ZKSCAN8: variants seen among roughly 807,000 people sequenced by gnomAD.
ZKSCAN8 encodes zinc finger protein with KRAB and SCAN domains 8.
A neutral mutation model predicts 57.2 loss-of-function variants in ZKSCAN8; 27 were observed. The ratio of observed to expected loss-of-function variants is 0.47; its 90% confidence interval spans 0.35 to 0.65. The LOEUF (loss-of-function observed/expected upper bound fraction) is 0.65, where lower values mean the gene tolerates loss of function less well. Among genes scored for constraint, ZKSCAN8 ranks in the 30% least tolerant of loss-of-function variants. ZKSCAN8 has a pLI of 0.01. For synonymous variants in ZKSCAN8, 214 were observed against 248.7 expected, an observed-to-expected ratio of 0.86 and a Z score of 1.31; for missense variants, 597 against 696.3, an observed-to-expected ratio of 0.86 and a Z score of 1.60.
At position 28,148,413 on chromosome 6, in the gene ZKSCAN8, TGAA is replaced by T; in HGVS notation, c.10_12del (p.Glu4del). 6.2e-7 allele frequency: 1 copy of T among 1,609,084 alleles called. No individual in the cohort carries two copies. The highest frequency in any genetic ancestry group is 8.5e-7 in the Non-Finnish European group (1 of 1,176,570). ...CCTGAGCTTTTCAGGCTCTAATGGC[TGAA>T]GAATCAAGAAAGCCTTCAGCCCCAT... is the stretch of plus-strand genomic sequence containing the variant. On this transcript the variant is annotated inframe_deletion, in exon 2 of 6. Transcript: ENST00000330236.
rs1387522410 is a variant in ZKSCAN8 at position 28,156,638 on chromosome 6, G to T, written c.*2621G>T. 1 of 156,540 alleles carries T rather than the reference G, an allele frequency of 6.4e-6. No homozygotes were observed. Among genetic ancestry groups the T allele is most frequent in the East Asian group, 1.9e-4 (1 of 5,402 alleles). 9.7% of individuals were successfully genotyped at this position (156,540 alleles called of 1,614,324 possible). On this transcript the variant is annotated 3_prime_UTR_variant, in exon 6 of 6. Transcript: ENST00000330236. The stretch of plus-strand genomic sequence containing the variant: ...AGCATAGAATATTATTGACTAGGCT[G>T]TATGACATTTTGAGCTCTTAACTGT...
At chr6:28,146,945 T>G (rs1413036465) in intron 1 of ZKSCAN8, among the ~76,000 whole-genome samples, 2 of 152,132 alleles carry the variant, frequency 1.3e-5, no homozygotes, top group African/African-American at 4.8e-5. Flanking sequence ...TAGGCCTAAA[T>G]GTAAAACCTA....
At chr6:28,150,894 C>T (rs1371569810) in intron 3 of ZKSCAN8, among the ~76,000 whole-genome samples, 1 of 152,170 alleles carries the variant, frequency 6.6e-6, no homozygotes, top group Non-Finnish European at 1.5e-5. Context: ...GCAGCTTCTG[C>T]CTCCCGGGTT....
intron 1 of ZKSCAN8, among the ~76,000 whole-genome samples, chr6:28,145,429 C>T (rs971727279): frequency 1.3e-5 from 2 of 152,016 alleles, no homozygotes. Flanking sequence ...AAGGGCCTTG[C>T]ATACCATGCT....
At chr6:28,149,348 C>T in intron 2 of ZKSCAN8, 135 bp from the exon 3 acceptor site, 2 of 1,153,674 alleles carry the variant, frequency 1.7e-6, no homozygotes, top group Non-Finnish European at 2.5e-6. Context: ...TCCTTACTGT[C>T]CCTAAGAAGT....
intron 3 of ZKSCAN8, among the ~76,000 whole-genome samples, chr6:28,150,353 C>T (rs1241481493): frequency 6.6e-6 from 1 of 152,108 alleles, no homozygotes; most frequent in Admixed American, 6.5e-5. Context: ...GCAGGAACAC[C>T]TCACCCTGCC....
chr6:28,155,063 A>T lies in ZKSCAN8; in HGVS notation c.*1046A>T, dbSNP rs1765740721. ...CCTGACTAGATGGTCTGTCACTCCT[A>T]TCATTACCTTGCACCCATCTCTTTA... On this transcript the variant is annotated 3_prime_UTR_variant, in exon 6 of 6. Transcript: ENST00000330236. 6.6e-6 allele frequency: 1 copy of T among 152,568 alleles called. No individual in the cohort carries two copies. Among genetic ancestry groups the T allele is most frequent in the Non-Finnish European group, 1.5e-5 (1 of 68,036 alleles). 9.5% of individuals were successfully genotyped at this position (152,568 alleles called of 1,614,324 possible). A position where few individuals can be genotyped will look rare whatever the true frequency, so the allele number is the denominator to read the frequency against.
chr6:28,152,088 T>C, intron 4 of ZKSCAN8, 152 bp downstream of exon 4: 2 of 1,373,456 alleles, frequency 1.5e-6, no homozygotes, highest in Non-Finnish European at 2.0e-6. Context: ...TGATCCTGAA[T>C]TTCCCCCAGT....
rs748277275 is a variant in ZKSCAN8 at position 28,153,220 on chromosome 6, G to A, written c.940G>A (p.Gly314Arg). Reference protein sequence around the residue: ...DLLGRLERQRGNPTQERRHKC... With the variant: ...DLLGRLERQRRNPTQERRHKC... ...TCTGGGCAGATTAGAGAGGCAGCGG[G>A]GAAATCCCACACAAGAGAGACGACA... Residue 314 changes from glycine to arginine, a missense_variant, in exon 6 of 6, where the codon GGA becomes AGA. Transcript: ENST00000330236. The A allele has an allele frequency of 1.9e-6, 3 of 1,614,164 alleles. No homozygotes were observed. The highest frequency in any genetic ancestry group is 2.5e-6 in the Non-Finnish European group (3 of 1,180,022).
intron 3 of ZKSCAN8, 99 bp downstream of exon 3, chr6:28,149,723 C>G: frequency 7.0e-7 from 1 of 1,420,502 alleles, no homozygotes; most frequent in Non-Finnish European, 9.5e-7. Flanking sequence ...AACTAAAATC[C>G]TGTTTACAGA....
rs912864741 is a variant in ZKSCAN8, at chr6:28,156,281, G to C, written c.*2264G>C. The C allele has an allele frequency of 2.5e-6, 1 of 398,150 alleles. No individual in the cohort carries two copies. The allele number at this position is 398,150 out of a possible 1,614,324, so 24.7% of individuals were successfully genotyped here. On this transcript the variant is annotated 3_prime_UTR_variant, in exon 6 of 6. Transcript: ENST00000330236. Reference sequence around the variant, plus strand: ...ATATTAACAAAATTGGGTGCATTCAGGGTGGTATGGCCATAGACCAGAGCA... The same window carrying C: ...ATATTAACAAAATTGGGTGCATTCACGGTGGTATGGCCATAGACCAGAGCA...
intron 3 of ZKSCAN8, among the ~76,000 whole-genome samples, chr6:28,150,315 A>T (rs1765552488): frequency 6.6e-6 from 1 of 152,056 alleles, no homozygotes; most frequent in Non-Finnish European, 1.5e-5. Flanking sequence ...ATGTTTGATC[A>T]TGTTTACATT....
Position 28,153,527 on chromosome 6 carries a change from G to A in ZKSCAN8, c.1247G>A (p.Ser416Asn). 1 of 1,612,396 alleles carries A rather than the reference G, an allele frequency of 6.2e-7. No individual in the cohort carries two copies. The highest frequency in any genetic ancestry group is 8.5e-7 in the Non-Finnish European group (1 of 1,178,544). Residue 416 changes from serine (S) to asparagine (N), a missense_variant, in exon 6 of 6, where the codon AGT becomes AAT. Coordinates refer to ENST00000330236, the MANE Select transcript of ZKSCAN8 (RefSeq NM_006298.4). The part of the protein sequence containing the change: ...YQCNQCGKAF[S>N]QSAGLILHQR... ...TGCAATCAGTGTGGGAAGGCTTTCA[G>A]TCAGAGTGCGGGCCTTATTCTGCAC...
rs1420734858 is a variant in ZKSCAN8, at chr6:28,154,918, G to C, written c.*901G>C. The C allele has an allele frequency of 6.6e-6, 1 of 152,616 alleles. No individual in the cohort carries two copies. The highest frequency in any genetic ancestry group is 1.5e-5 in the Non-Finnish European group (1 of 68,046). The allele number at this position is 152,616 out of a possible 1,614,324, so 9.5% of individuals were successfully genotyped here. ...TGGCACTATCCTAGTTATGGCATCA[G>C]GTAGGAGAAGGAGACGAAGATGCTT... On this transcript the variant is annotated 3_prime_UTR_variant, in exon 6 of 6. Coordinates refer to ENST00000330236, the MANE Select transcript of ZKSCAN8 (RefSeq NM_006298.4).
chr6:28,149,111 A>ATTTGAGG (rs1765503786), intron 2 of ZKSCAN8, among the ~76,000 whole-genome samples: 1 of 152,212 alleles, frequency 6.6e-6, no homozygotes, highest in African/African-American at 2.4e-5. Flanking sequence ...GGGTATCCAA[A>ATTTGAGG]TAATTAAAGG....
rs1765782747 is a variant in ZKSCAN8 at position 28,156,343 on chromosome 6, C to T, written c.*2326C>T. 1 of 396,752 alleles carries T rather than the reference C, an allele frequency of 2.5e-6. No homozygotes were observed. Among genetic ancestry groups the T allele is most frequent in the Non-Finnish European group, 4.4e-6 (1 of 225,090 alleles). The allele number at this position is 396,752 out of a possible 1,614,324, so 24.6% of individuals were successfully genotyped here. A position where few individuals can be genotyped will look rare whatever the true frequency, so the allele number is the denominator to read the frequency against. On this transcript the variant is annotated 3_prime_UTR_variant, in exon 6 of 6. Coordinates refer to ENST00000330236, the MANE Select transcript of ZKSCAN8 (RefSeq NM_006298.4). ...TGTATACAGATGTACTAGCTAAAGTCTCTTTATGTGTCAGTATTAAGAGTA... is the reference window on the plus strand; with the variant it reads ...TGTATACAGATGTACTAGCTAAAGTTTCTTTATGTGTCAGTATTAAGAGTA...
intron 1 of ZKSCAN8, among the ~76,000 whole-genome samples, chr6:28,142,448 G>A (rs1765249684): frequency 6.6e-6 from 1 of 151,646 alleles, no homozygotes; most frequent in Non-Finnish European, 1.5e-5. Flanking sequence ...GTTTATCCAT[G>A]GAAACCAATT....
At position 28,148,305 on chromosome 6, in the gene ZKSCAN8, T is replaced by C. The variant is rs1339077235; in HGVS notation, c.-92-11T>C. 2 of 1,258,458 alleles carry C rather than the reference T, an allele frequency of 1.6e-6. No individual in the cohort carries two copies. Among genetic ancestry groups the C allele is most frequent in the African/African-American group, 1.5e-5 (1 of 66,304 alleles). The allele number at this position is 1,258,458 out of a possible 1,614,324, so 78.0% of individuals were successfully genotyped here. A position where few individuals can be genotyped will look rare whatever the true frequency, so the allele number is the denominator to read the frequency against. On this transcript the variant is annotated splice_polypyrimidine_tract_variant and intron_variant, in intron 1 of 5. Coordinates refer to ENST00000330236, the MANE Select transcript of ZKSCAN8 (RefSeq NM_006298.4). The stretch of plus-strand genomic sequence containing the variant: ...GACTTGCCTTAACACTATCATATTT[T>C]CTTCATGAAGAAGTACCCTTAGAAA...
rs962791816 is a variant in ZKSCAN8, at chr6:28,157,353, G to A, written c.*3336G>A. Reference sequence around the variant, plus strand: ...TTGTGGGAGCTACAATTCAAGATGAGATTTGGATGGGACACAGCCAAACCA... The same window carrying A: ...TTGTGGGAGCTACAATTCAAGATGAAATTTGGATGGGACACAGCCAAACCA... On this transcript the variant is annotated 3_prime_UTR_variant, in exon 6 of 6. Coordinates refer to ENST00000330236, the MANE Select transcript of ZKSCAN8 (RefSeq NM_006298.4). The A allele has an allele frequency of 2.0e-5, 3 of 152,164 alleles. No individual in the cohort carries two copies. Among genetic ancestry groups the A allele is most frequent in the Admixed American group, 1.3e-4 (2 of 15,282 alleles). 9.4% of individuals were successfully genotyped at this position (152,164 alleles called of 1,614,324 possible).
Sources: gnomAD v4.1 joint callset for allele counts (sites outside exome capture counted in the v4.1 genomes callset) on GRCh38, gnomAD v4.1.1 for gene constraint, MANE v1.5 for transcripts, NCBI Gene and HGNC (gene_info 2026-07-23, HGNC 2026-07-21) for gene names.